RASGRP3: variants seen among roughly 807,000 people sequenced by gnomAD.
RASGRP3 encodes the protein RAS guanyl releasing protein 3.
A neutral mutation model predicts 82.7 loss-of-function variants in RASGRP3; 54 were observed. The observed-to-expected ratio is 0.65, with a 90% CI of 0.52 to 0.82. The LOEUF (loss-of-function observed/expected upper bound fraction) is 0.82. Among genes scored for constraint, RASGRP3 ranks in the 40% least tolerant of loss-of-function variants. The pLI, the probability that RASGRP3 is intolerant of heterozygous loss-of-function variation, is 0.00. For missense variants in RASGRP3, 861 were observed against 828.9 expected (o/e 1.04, Z -0.48); for synonymous variants, 309 against 300.5 (o/e 1.03, Z -0.29).
chr2:33,503,990 G>T (rs1050399765), intron 1 of RASGRP3, among the ~76,000 whole-genome samples: 6 of 152,022 alleles, frequency 3.9e-5, no homozygotes, highest in African/African-American at 1.4e-4. Context: ...TCCAAAGGTG[G>T]TTCAGAACTC....
At chr2:33,520,755 A>G in intron 6 of RASGRP3, 71 bp downstream of exon 6, 1 of 1,575,790 alleles carries the variant, frequency 6.3e-7, no homozygotes, top group Non-Finnish European at 8.7e-7. Context: ...TGATCACCCC[A>G]CTTGTTCTGA....
chr2:33,456,624 A>G (rs1038752618), intron 2 of RASGRP3, among the ~76,000 whole-genome samples: 1 of 152,230 alleles, frequency 6.6e-6, no homozygotes, highest in Middle Eastern at 3.2e-3. Flanking sequence ...TTGTTAATGT[A>G]TAATTGACAT....
rs773917079 is a variant in RASGRP3 at position 33,527,373 on chromosome 2, C to T, written c.1044C>T (p.His348=). ...SELVSLQNAS[H]HLEPNMDLIN... is the part of the protein sequence containing the mutation. ...TAGTCTCCCTGCAGAATGCCTCTCA[C>T]CACTTAGAACCCAACATGGATTTGA... The change falls in exon 10 of 18, where the codon CAC becomes CAT. Residue 348 remains histidine, a synonymous_variant. Transcript: ENST00000403687. The T allele has an allele frequency of 6.2e-6, 10 of 1,613,812 alleles. No individual in the cohort carries two copies. The Admixed American group carries it at 1.5e-4, about 24-fold the overall frequency.
At chr2:33,514,618 G>A (rs1034779323) in intron 2 of RASGRP3, among the ~76,000 whole-genome samples, 2 of 151,664 alleles carry the variant, frequency 1.3e-5, no homozygotes, top group Non-Finnish European at 2.9e-5. Context: ...CCGGGAGGTC[G>A]AGGCTGCTGT....
intron 7 of RASGRP3, among the ~76,000 whole-genome samples, chr2:33,522,763 G>A (rs1388570015): frequency 2.0e-5 from 3 of 152,178 alleles, no homozygotes; most frequent in Non-Finnish European, 2.9e-5. Flanking sequence ...TGGGGAAGTC[G>A]CTCCTCCTCC....
rs564728388 is a variant in RASGRP3, at chr2:33,516,704, G to A, written c.173+60G>A. The A allele has an allele frequency of 1.0e-5, 12 of 1,175,792 alleles. 1 individual carries two copies. The South Asian group carries it at 1.7e-4, about 16-fold the overall frequency. The allele number at this position is 1,175,792 out of a possible 1,614,324, so 72.8% of individuals were successfully genotyped here. On this transcript the variant is annotated intron_variant, in intron 4 of 17. Coordinates refer to ENST00000403687, the MANE Select transcript of RASGRP3 (RefSeq NM_001139488.2). ...ATAAATCAAGCTCTGTATTTAGATA[G>A]AGTGTCTATCCAAAGCCAGTAAATT...
chr2:33,539,484 A>G (rs887317781), intron 12 of RASGRP3: 2 of 304,062 alleles, frequency 6.6e-6, no homozygotes, highest in Non-Finnish European at 1.2e-5. Flanking sequence ...GTCATTGTCA[A>G]CAGCTCAAGG....
At chr2:33,474,746 A>T (rs1574279743), upstream of RASGRP3, among the ~76,000 whole-genome samples, 1 of 152,234 alleles carries the variant, frequency 6.6e-6, no homozygotes, top group African/African-American at 2.4e-5. Flanking sequence ...AGCCGAACAG[A>T]TGCCAGTATC....
At position 33,451,271 on chromosome 2, in the gene RASGRP3, T is replaced by G. The variant is rs529536791; in HGVS notation, c.-261+3328T>G. 5.3e-4 allele frequency among the ~76,000 whole-genome samples: 81 copies of G among 152,342 alleles called. No homozygotes were observed. The South Asian group carries it at 0.017, about 31-fold the overall frequency. On this transcript the variant is annotated intron_variant, in intron 2 of 18. Transcript: ENST00000402538. ...TTTGAATTATTTGTTTTATTGCTAT[T>G]GAGTTGCTTTGAGTTCCTTACATAT...
intron 2 of RASGRP3, among the ~76,000 whole-genome samples, chr2:33,456,380 A>C (rs915533277): frequency 6.6e-6 from 1 of 151,960 alleles, no homozygotes; most frequent in Non-Finnish European, 1.5e-5. Flanking sequence ...CTTCTTTTGG[A>C]TATTTCAAAT....
chr2:33,553,742 T>G (rs1207329182), intron 14 of RASGRP3, among the ~76,000 whole-genome samples: 1 of 152,134 alleles, frequency 6.6e-6, no homozygotes, highest in Non-Finnish European at 1.5e-5. Flanking sequence ...GCATTTTATT[T>G]ATTTATTATT....
At chr2:33,460,576 G>A (rs187351303) in intron 2 of RASGRP3, among the ~76,000 whole-genome samples, 12 of 150,580 alleles carry the variant, frequency 8.0e-5, no homozygotes, top group East Asian at 5.9e-4. Flanking sequence ...GTGCAATGGC[G>A]CGATCTCGGC....
At chr2:33,441,262 C>G (rs935750170) in intron 1 of RASGRP3, among the ~76,000 whole-genome samples, 1 of 152,128 alleles carries the variant, frequency 6.6e-6, no homozygotes, top group Non-Finnish European at 1.5e-5. Flanking sequence ...CCTTTCCCCC[C>G]TCCTCCCACC....
At position 33,562,684 on chromosome 2, in the gene RASGRP3, T is replaced by TTA. The variant is rs746858899; in HGVS notation, c.2065-41_2065-40dup. On this transcript the variant is annotated intron_variant, in intron 17 of 17. Transcript: ENST00000403687. Reference sequence around the variant, plus strand: ...GCTTTCTAGGAACACTCTTATTTTGTTATATGAGATCCAGCCATGCAATAG... The same window carrying TTA: ...GCTTTCTAGGAACACTCTTATTTTGTTATATATGAGATCCAGCCATGCAATAG... 10 of 1,604,462 alleles carry TTA rather than the reference T, an allele frequency of 6.2e-6. No homozygotes were observed. The East Asian group carries it at 2.0e-4, about 32-fold the overall frequency.
rs1666802101 is a variant in RASGRP3 at position 33,467,980 on chromosome 2, T to TTTC, written c.-261+20039_-261+20040insCTT. Reference sequence around the variant, plus strand: ...GGTTTTTCTAATGGATGGTGAGGCTTTTTCTTTCTTTCTTTCTTTCTTTCT... The same window carrying TTTC: ...GGTTTTTCTAATGGATGGTGAGGCTTTTCTTTCTTTCTTTCTTTCTTTCTTTCT... On this transcript the variant is annotated intron_variant, in intron 2 of 18. Coordinates refer to the RASGRP3 transcript ENST00000402538. 1.0e-3 allele frequency among the ~76,000 whole-genome samples: 117 copies of TTTC among 116,412 alleles called. 1 individual carries two copies. The highest frequency in any genetic ancestry group is 4.2e-3 in the Middle Eastern group (1 of 240). 76.4% of individuals were successfully genotyped at this position (116,412 alleles called of 152,430 possible).
intron 8 of RASGRP3, 66 bp downstream of exon 8, chr2:33,524,118 A>AT: frequency 6.5e-7 from 1 of 1,542,000 alleles, no homozygotes; most frequent in Non-Finnish European, 8.9e-7. Flanking sequence ...GAGAAAAGTC[A>AT]TTGAGGAAAT....
intron 12 of RASGRP3, chr2:33,539,702 G>A (rs1029963117): frequency 6.6e-6 from 1 of 152,376 alleles, no homozygotes; most frequent in African/African-American, 2.4e-5. Context: ...AGAGTTTTCC[G>A]TGTAGAAAAA....
chr2:33,482,755 T>G (rs1231304434), intron 1 of RASGRP3: 1 of 152,222 alleles, frequency 6.6e-6, no homozygotes, highest in Non-Finnish European at 1.5e-5. Context: ...AAAATAGCAG[T>G]GCATGTTGCC....
chr2:33,471,509 A>G (rs1667060570), intron 2 of RASGRP3, among the ~76,000 whole-genome samples: 1 of 151,652 alleles, frequency 6.6e-6, no homozygotes, highest in Non-Finnish European at 1.5e-5. Context: ...AGGGCAACCT[A>G]TGTTTACGTA....
Sources: gnomAD v4.1 joint callset for allele counts (sites outside exome capture counted in the v4.1 genomes callset) on GRCh38, gnomAD v4.1.1 for gene constraint, MANE v1.5 for transcripts, NCBI Gene and HGNC (gene_info 2026-07-23, HGNC 2026-07-21) for gene names.